DOCK4: variants seen among roughly 807,000 people sequenced by gnomAD.
DOCK4 encodes dedicator of cytokinesis protein 4.
A neutral mutation model predicts 268.1 loss-of-function variants in DOCK4; 97 were observed. The ratio of observed to expected loss-of-function variants is 0.36; its 90% CI spans 0.31 to 0.43. The LOEUF is 0.43. Among genes scored for constraint, DOCK4 ranks in the 20% least tolerant of loss-of-function variants. The pLI, the probability that DOCK4 is intolerant of heterozygous loss-of-function variation, is 1.00. For synonymous variants in DOCK4, 954 were observed against 887.2 expected, an observed-to-expected ratio of 1.08 and a Z score of -1.34; for missense variants, 2,145 against 2,455.7, an observed-to-expected ratio of 0.87 and a Z score of 2.67.
At chr7:111,734,997 A>G (rs1188369442) in intron 51 of DOCK4, 57 bp downstream of exon 51, 2 of 1,325,692 alleles carry the variant, frequency 1.5e-6, no homozygotes, top group African/African-American at 2.9e-5. Context: ...GACAAACTGG[A>G]GTAGTCAATA....
At chr7:111,845,179 T>C (rs1804005238) in intron 24 of DOCK4, among the ~76,000 whole-genome samples, 2 of 152,146 alleles carry the variant, frequency 1.3e-5, no homozygotes, top group Admixed American at 6.5e-5. Context: ...CCCAACAGGG[T>C]GTGTGACCTC....
chr7:112,031,912 C>T (rs993092425), intron 1 of DOCK4, among the ~76,000 whole-genome samples: 6 of 152,118 alleles, frequency 3.9e-5, no homozygotes, highest in African/African-American at 4.8e-5. Flanking sequence ...ACAATTCAAA[C>T]GGTATTGCTT....
chr7:112,093,741 C>T (rs1809851142), intron 1 of DOCK4, among the ~76,000 whole-genome samples: 3 of 152,076 alleles, frequency 2.0e-5, no homozygotes, highest in South Asian at 2.1e-4. Flanking sequence ...AGGAAGAGAA[C>T]GTCTTACACC....
intron 8 of DOCK4, among the ~76,000 whole-genome samples, chr7:111,958,858 T>C (rs17549723): frequency 0.12 from 18,739 of 152,204 alleles, 1,221 homozygotes; most frequent in Middle Eastern, 0.18. Context: ...TCTTTGCTTG[T>C]TGTGTATTAA....
chr7:111,854,722 T>A (rs1462019137), intron 23 of DOCK4, among the ~76,000 whole-genome samples: 1 of 152,156 alleles, frequency 6.6e-6, no homozygotes, highest in South Asian at 2.1e-4. Flanking sequence ...CCCTAACCCA[T>A]GATTCAGTCA....
chr7:111,997,185 A>G (rs29475), intron 4 of DOCK4, among the ~76,000 whole-genome samples: 111,735 of 152,180 alleles, frequency 0.73, 42,437 homozygotes, highest in East Asian at 0.99. Context: ...GCTGAATGGT[A>G]TCACATCTAG....
Position 112,044,337 on chromosome 7 carries a change from C to T in DOCK4, c.38-40206G>A, listed in dbSNP as rs149500325. Among the ~76,000 whole-genome samples the T allele has an allele frequency of 2.3e-3, 350 of 152,260 alleles. 2 individuals are homozygous for T. Among genetic ancestry groups the T allele is most frequent in the African/African-American group, 8.0e-3 (333 of 41,554 alleles). On this transcript the variant is annotated intron_variant, in intron 1 of 52. Coordinates refer to ENST00000428084, the MANE Select transcript of DOCK4 (RefSeq NM_001363540.2). ...GTAGAAGACAAGGAATCAAATGACA[C>T]GAATTCTGCCAAAAACCTGTGTCCT...
At chr7:111,857,900 T>C (rs1489300143) in intron 23 of DOCK4, among the ~76,000 whole-genome samples, 2 of 152,196 alleles carry the variant, frequency 1.3e-5, no homozygotes, top group Non-Finnish European at 2.9e-5. Context: ...GAATAAAATC[T>C]GGGGGAGAAA....
At chr7:112,180,188 T>G (rs1489605202) in intron 1 of DOCK4, among the ~76,000 whole-genome samples, 2 of 152,086 alleles carry the variant, frequency 1.3e-5, no homozygotes, top group African/African-American at 4.8e-5. Context: ...AAGCATATGG[T>G]AGGGCAGAGG....
intron 23 of DOCK4, among the ~76,000 whole-genome samples, chr7:111,854,269 GGTTAT>G: frequency 6.6e-6 from 1 of 152,270 alleles, no homozygotes; most frequent in South Asian, 2.1e-4. Context: ...TGACCTAATC[GGTTAT>G]GTTATCTATA....
chr7:111,976,528 A>G (rs1390106289), intron 8 of DOCK4: 1 of 151,686 alleles, frequency 6.6e-6, no homozygotes, highest in Non-Finnish European at 1.5e-5. Flanking sequence ...ATAGGAGTTG[A>G]GACTTTCGAA....
chr7:111,932,311 C>T (rs1027048110), intron 12 of DOCK4, among the ~76,000 whole-genome samples: 10 of 152,238 alleles, frequency 6.6e-5, no homozygotes, highest in Middle Eastern at 3.4e-3. Flanking sequence ...TCAGGGACTA[C>T]ATGTGAAAAG....
chr7:111,782,734 C>G, intron 35 of DOCK4, 130 bp downstream of exon 35: 1 of 1,001,854 alleles, frequency 1.0e-6, no homozygotes. Context: ...CTTAAAAACA[C>G]TTGTAAATTT....
chr7:112,042,138 TA>T (rs941561477), intron 1 of DOCK4, among the ~76,000 whole-genome samples: 2 of 145,066 alleles, frequency 1.4e-5, no homozygotes, highest in South Asian at 2.2e-4. Context: ...ATTTCTTAAA[TA>T]AAAAAAAAAG....
chr7:111,808,562 A>G, intron 30 of DOCK4: 1 of 364,304 alleles, frequency 2.7e-6, no homozygotes, highest in East Asian at 4.1e-5. Flanking sequence ...GTAATGTTGG[A>G]GCAATGCTAG....
rs761423302 is a variant in DOCK4, at chr7:111,746,359, C to T, written c.4652G>A (p.Arg1551Gln). 5 of 1,612,970 alleles carry T rather than the reference C, an allele frequency of 3.1e-6. No homozygotes were observed. Among genetic ancestry groups the T allele is most frequent in the South Asian group, 2.2e-5 (2 of 90,702 alleles). Residue 1551 changes from arginine (R) to glutamine (Q), a missense_variant, in exon 44 of 53, where the codon CGA becomes CAA. Around this residue, in one of 2 missense-constraint regions of DOCK4, gnomAD observed 1,598 missense variants for 1,986.7 expected, o/e 0.80. Transcript: ENST00000428084. ...SHPEDGEKIA[R>Q]LRELMLEQAQ... is the part of the protein sequence containing the mutation. The stretch of plus-strand genomic sequence containing the variant: ...CTGCTCAAGCATCAGCTCTCTTAAT[C>T]GTGCAATTTTCTCCCCATCTTCAGG...
intron 1 of DOCK4, among the ~76,000 whole-genome samples, chr7:112,084,852 A>C (rs7808571): frequency 0.077 from 11,722 of 152,042 alleles, 846 homozygotes; most frequent in East Asian, 0.4. Context: ...TGTTTTCACC[A>C]TTATCACTTC....
chr7:112,138,505 A>G (rs565110270), intron 1 of DOCK4, among the ~76,000 whole-genome samples: 39 of 152,358 alleles, frequency 2.6e-4, no homozygotes, highest in African/African-American at 8.4e-4. Context: ...TTTACAATTT[A>G]CATATTCAGG....
Position 111,775,153 on chromosome 7 carries a change from A to C in DOCK4, c.3679+3123T>G, listed in dbSNP as rs1039485048. 1.2e-4 allele frequency among the ~76,000 whole-genome samples: 19 copies of C among 152,360 alleles called. 1 individual carries two copies. Among genetic ancestry groups the C allele is most frequent in the Admixed American group, 8.5e-4 (13 of 15,304 alleles). On this transcript the variant is annotated intron_variant, in intron 36 of 52. Coordinates refer to ENST00000428084, the MANE Select transcript of DOCK4 (RefSeq NM_001363540.2). ...AATGATTATTTGAGGGAGGCTAGAA[A>C]AGTCAAAGATACATCAGGGTCTTCT...
Sources: allele counts gnomAD v4.1 joint callset (sites outside exome capture counted in the v4.1 genomes callset), GRCh38; gene constraint gnomAD v4.1.1; regional missense constraint gnomAD v4.1.1; transcripts MANE v1.5; gene names NCBI Gene and HGNC (gene_info 2026-07-23, HGNC 2026-07-21).